CELF2: variants seen among roughly 807,000 people sequenced by gnomAD.
CELF2 encodes the protein CUG triplet repeat RNA-binding protein 2.
In CELF2, 8 loss-of-function variants were observed where a neutral mutation model predicts 62.6. The observed-to-expected ratio is 0.13, with a 90% CI of 0.07 to 0.23. The LOEUF (loss-of-function observed/expected upper bound fraction) is 0.23. Among genes scored for constraint, CELF2 ranks in the 10% least tolerant of loss-of-function variants. CELF2 has a pLI of 1.00. For missense variants in CELF2, 333 were observed against 671.0 expected (o/e 0.50, Z 5.56); for synonymous variants, 258 against 250.0 (o/e 1.03, Z -0.30).
At position 11,223,532 on chromosome 10, in the gene CELF2, T is replaced by C. The variant is rs912281688; in HGVS notation, c.354+6025T>C. 2.6e-5 allele frequency among the ~76,000 whole-genome samples: 4 copies of C among 152,238 alleles called. No individual in the cohort carries two copies. The highest frequency in any genetic ancestry group is 9.6e-5 in the African/African-American group (4 of 41,462). Reference sequence around the variant, plus strand: ...CCCTGCCATCTGTGTTTTCAGATAATACTCAAATCTCATACAAATAAAAGC... The same window carrying C: ...CCCTGCCATCTGTGTTTTCAGATAACACTCAAATCTCATACAAATAAAAGC... On this transcript the variant is annotated intron_variant, in intron 3 of 12. Transcript: ENST00000633077. The surrounding 1 kb of genome is among the most constrained non-coding windows in gnomAD (Gnocchi z 5.1).
At chr10:10,710,403 A>G in the CELF2 span, among the ~76,000 whole-genome samples, 1 of 152,246 alleles carries the variant, frequency 6.6e-6, no homozygotes, top group African/African-American at 2.4e-5. Context: ...ATCTTGAAGT[A>G]GGAATAATTA....
the CELF2 span, among the ~76,000 whole-genome samples, chr10:10,604,169 T>C: frequency 6.6e-6 from 1 of 152,194 alleles, no homozygotes; most frequent in Non-Finnish European, 1.5e-5. Context: ...ATGATTTCAC[T>C]ACTGTGCTCC....
intron 1 of CELF2, among the ~76,000 whole-genome samples, chr10:11,149,723 G>A (rs186938329): frequency 1.3e-5 from 2 of 152,250 alleles, no homozygotes; most frequent in Non-Finnish European, 1.5e-5. Flanking sequence ...CAGAGATCAC[G>A]ATTCTTTGGG....
chr10:10,489,099 G>A, the CELF2 span, among the ~76,000 whole-genome samples: 68 of 152,180 alleles, frequency 4.5e-4, 1 homozygote, highest in African/African-American at 1.5e-3. Context: ...GTAAAGTGCT[G>A]TCAAGAAGCT....
chr10:11,178,867 G>C lies in CELF2; in HGVS notation c.271+13185G>C, dbSNP rs79411741. Among the ~76,000 whole-genome samples, 4 of 152,188 alleles carry C rather than the reference G, an allele frequency of 2.6e-5. No homozygotes were observed. Among genetic ancestry groups the C allele is most frequent in the African/African-American group, 9.7e-5 (4 of 41,430 alleles). ...GGCTGCCCTAGCAACACAGAATGCTGTGCTGACACATACTCCATCACATGT... is the reference window on the plus strand; with the variant it reads ...GGCTGCCCTAGCAACACAGAATGCTCTGCTGACACATACTCCATCACATGT... On this transcript the variant is annotated intron_variant, in intron 2 of 12. Coordinates refer to ENST00000633077, the MANE Select transcript of CELF2 (RefSeq NM_001326342.2). This position sits in a 1 kb window ranked among gnomAD's most constrained non-coding sequence, Gnocchi z 4.3.
chr10:10,629,956 C>T, the CELF2 span, among the ~76,000 whole-genome samples: 1 of 148,148 alleles, frequency 6.8e-6, no homozygotes, highest in East Asian at 2.0e-4. Context: ...GGAGTTTTAC[C>T]TGATGTTTTA....
chr10:10,712,168 A>C, the CELF2 span, among the ~76,000 whole-genome samples: 3 of 149,012 alleles, frequency 2.0e-5, no homozygotes, highest in East Asian at 3.9e-4. Flanking sequence ...AAAAAAAAAA[A>C]AAAAACTGGA....
At chr10:10,616,599 G>A in the CELF2 span, among the ~76,000 whole-genome samples, 13 of 151,256 alleles carry the variant, frequency 8.6e-5, no homozygotes, top group South Asian at 2.1e-4. Flanking sequence ...TTTTTATTTA[G>A]GCCAGAGAGA....
intron 2 of CELF2, among the ~76,000 whole-genome samples, chr10:10,948,764 C>T (rs1032283710): frequency 1.3e-5 from 2 of 152,122 alleles, no homozygotes; most frequent in African/African-American, 2.4e-5. Context: ...CCCTCTTGCA[C>T]GGTGGCTATC....
the CELF2 span, among the ~76,000 whole-genome samples, chr10:10,759,307 T>TTC: frequency 2.3e-5 from 3 of 133,280 alleles, no homozygotes; most frequent in South Asian, 2.5e-4. Context: ...TTTTTTTTTT[T>TTC]TTTTTTTTTT....
chr10:10,762,023 A>G, the CELF2 span, among the ~76,000 whole-genome samples: 1 of 151,888 alleles, frequency 6.6e-6, no homozygotes, highest in African/African-American at 2.4e-5. Context: ...GACTAAAAGT[A>G]TTTAATGATA....
At chr10:10,506,300 GTATC>G in the CELF2 span, among the ~76,000 whole-genome samples, 4,700 of 147,132 alleles carry the variant, frequency 0.032, 88 homozygotes, top group Non-Finnish European at 0.052. Context: ...GTGTGTGTGT[GTATC>G]TGTGTCTGTG....
chr10:10,953,578 C>T (rs953592029), intron 2 of CELF2, among the ~76,000 whole-genome samples: 1 of 152,086 alleles, frequency 6.6e-6, no homozygotes, highest in Non-Finnish European at 1.5e-5. Context: ...GAAGTTAGAG[C>T]CATACCTTCC....
chr10:10,831,382 A>T (rs2057843783), intron 1 of CELF2, among the ~76,000 whole-genome samples: 1 of 152,190 alleles, frequency 6.6e-6, no homozygotes, highest in Non-Finnish European at 1.5e-5. Context: ...CCCTTCCTAC[A>T]TCAGGCAGTT....
chr10:10,647,033 G>A, the CELF2 span, among the ~76,000 whole-genome samples: 1 of 152,148 alleles, frequency 6.6e-6, no homozygotes, highest in African/African-American at 2.4e-5. Context: ...TAATATCTCT[G>A]TGACATTATA....
At chr10:10,583,393 G>A in the CELF2 span, among the ~76,000 whole-genome samples, 2 of 152,158 alleles carry the variant, frequency 1.3e-5, no homozygotes, top group Non-Finnish European at 2.9e-5. Flanking sequence ...GCCCCATGGG[G>A]AAAGTAATTC....
chr10:11,288,794 T>G (rs2139657662), intron 9 of CELF2, among the ~76,000 whole-genome samples: 1 of 152,254 alleles, frequency 6.6e-6, no homozygotes, highest in East Asian at 1.9e-4. Context: ...GTGCAAGCCG[T>G]TCTCACACAT....
chr10:10,623,512 T>C, the CELF2 span, among the ~76,000 whole-genome samples: 5,281 of 152,270 alleles, frequency 0.035, 201 homozygotes, highest in African/African-American at 0.098. Flanking sequence ...ACTGTCACTC[T>C]ATTTTCCCTG....
chr10:11,182,160 C>A (rs1358688478), intron 2 of CELF2, among the ~76,000 whole-genome samples: 1 of 152,226 alleles, frequency 6.6e-6, no homozygotes, highest in Non-Finnish European at 1.5e-5. Flanking sequence ...GAAACCCCGC[C>A]AGACTTACAG....
Sources: gnomAD v4.1 joint callset for allele counts (sites outside exome capture counted in the v4.1 genomes callset) on GRCh38, gnomAD v4.1.1 for gene constraint, Gnocchi (gnomAD v3.1) non-coding constraint, MANE v1.5 for transcripts, NCBI Gene and HGNC (gene_info 2026-07-23, HGNC 2026-07-21) for gene names.